Variants in RORB observed in about 807,000 individuals in gnomAD.
RORB encodes RAR related orphan receptor B.
In RORB, 6 loss-of-function variants were observed where a neutral mutation model predicts 59.1. The observed-to-expected ratio is 0.10, with a 90% CI of 0.06 to 0.20. RORB has a LOEUF of 0.20. Ranked by LOEUF, RORB falls within the 10% of genes least tolerant of loss-of-function variation. RORB has a pLI of 1.00. For missense variants in RORB, 320 were observed against 560.5 expected (o/e 0.57, Z 4.33); for synonymous variants, 215 against 204.5 (o/e 1.05, Z -0.44).
At chr9:74,628,018 A>G (rs553765360) in intron 1 of RORB, among the ~76,000 whole-genome samples, 6 of 152,322 alleles carry the variant, frequency 3.9e-5, no homozygotes, top group African/African-American at 1.4e-4. Flanking sequence ...TACATAAAAT[A>G]TCTGTTTGAA....
chr9:74,564,062 T>A (rs1225021680), intron 1 of RORB, among the ~76,000 whole-genome samples: 1 of 152,182 alleles, frequency 6.6e-6, no homozygotes, highest in Non-Finnish European at 1.5e-5. Flanking sequence ...ACACATATCA[T>A]CAAGCTGTCA....
chr9:74,500,801 G>A (rs572634102), intron 1 of RORB, among the ~76,000 whole-genome samples: 1 of 152,306 alleles, frequency 6.6e-6, no homozygotes, highest in East Asian at 1.9e-4. Context: ...TGACGTCCTT[G>A]TCCTGCCCCA....
At chr9:74,646,667 G>GAGTT (rs10681011) in intron 4 of RORB, among the ~76,000 whole-genome samples, 145,700 of 152,034 alleles carry the variant, frequency 0.96, 70,157 homozygotes, top group East Asian at 1. Flanking sequence ...CTAGGACAGA[G>GAGTT]AGTTAAGTGA....
chr9:74,528,731 C>T (rs1826192246), intron 1 of RORB, among the ~76,000 whole-genome samples: 1 of 151,954 alleles, frequency 6.6e-6, no homozygotes, highest in African/African-American at 2.4e-5. Context: ...TGAAGAGCTA[C>T]TAGGTGCTAT....
In RORB at chr9:74,507,074, C is replaced by T. The variant is rs113587418; in HGVS notation, c.7+9091C>T. On this transcript the variant is annotated intron_variant, in intron 1 of 9. Coordinates refer to ENST00000376896, the MANE Select transcript of RORB (RefSeq NM_006914.4). The stretch of plus-strand genomic sequence containing the variant: ...AGTTTTCTGGACAATCATTCACCCA[C>T]GCCTTATTGCAATTTGTCTCTGGTG... 3.8e-3 allele frequency among the ~76,000 whole-genome samples: 580 copies of T among 152,144 alleles called. 6 individuals are homozygous for T. The highest frequency in any genetic ancestry group is 0.013 in the African/African-American group (548 of 41,522).
rs1825737316 is a variant in RORB at position 74,497,991 on chromosome 9, A to C, written c.7+8A>C. On this transcript the variant is annotated splice_region_variant and intron_variant, in intron 1 of 9. Transcript: ENST00000376896. ...GCGGCCACACCATGCGAGGTAAGCGAGTCTGCGGGCACCGAGGCTCCCCGA... is the reference window on the plus strand; with the variant it reads ...GCGGCCACACCATGCGAGGTAAGCGCGTCTGCGGGCACCGAGGCTCCCCGA... 6.2e-7 allele frequency: 1 copy of C among 1,610,614 alleles called. No homozygotes were observed. The highest frequency in any genetic ancestry group is 1.3e-5 in the African/African-American group (1 of 75,020).
At chr9:74,611,503 A>G (rs1823231253) in intron 1 of RORB, among the ~76,000 whole-genome samples, 1 of 152,226 alleles carries the variant, frequency 6.6e-6, no homozygotes, top group Non-Finnish European at 1.5e-5. Context: ...GGAAGCAAAC[A>G]TATCCCAAAG....
At chr9:74,638,148 G>T (rs567140972) in intron 3 of RORB, among the ~76,000 whole-genome samples, 1 of 152,130 alleles carries the variant, frequency 6.6e-6, no homozygotes, top group South Asian at 2.1e-4. Context: ...CTTTACAACC[G>T]AAGGTAGTAG....
chr9:74,538,117 A>G (rs571133505), intron 1 of RORB, among the ~76,000 whole-genome samples: 101 of 152,240 alleles, frequency 6.6e-4, no homozygotes, highest in Admixed American at 9.8e-4. Flanking sequence ...AATTGCCTAC[A>G]GTATTTAGTT....
intron 9 of RORB, among the ~76,000 whole-genome samples, chr9:74,681,519 G>T (rs1422793969): frequency 6.6e-6 from 1 of 152,196 alleles, no homozygotes; most frequent in Non-Finnish European, 1.5e-5. Context: ...AGCGATCTGA[G>T]TGCTCTTTAA....
intron 1 of RORB, among the ~76,000 whole-genome samples, chr9:74,590,654 G>A (rs1822872304): frequency 6.6e-6 from 1 of 152,214 alleles, no homozygotes. Context: ...CAGCCAGCTA[G>A]GGGTTCTGTC....
intron 1 of RORB, among the ~76,000 whole-genome samples, chr9:74,541,174 G>A (rs57203215): frequency 1.3e-5 from 2 of 149,960 alleles, no homozygotes; most frequent in East Asian, 3.9e-4. Context: ...CAGCTACTCA[G>A]GAGGCTGAGG....
intron 2 of RORB, 70 bp from the exon 3 acceptor site, chr9:74,634,561 T>C: frequency 7.3e-7 from 1 of 1,374,642 alleles, no homozygotes; most frequent in Non-Finnish European, 9.7e-7. Flanking sequence ...ATGTAGCAAA[T>C]GTATACATTA....
chr9:74,526,034 A>G (rs1826151970), intron 1 of RORB, among the ~76,000 whole-genome samples: 1 of 151,984 alleles, frequency 6.6e-6, no homozygotes, highest in African/African-American at 2.4e-5. Context: ...TTCTTCACAC[A>G]CGGTCTCTTT....
At chr9:74,630,726 A>G (rs896966124) in intron 2 of RORB, among the ~76,000 whole-genome samples, 1 of 152,184 alleles carries the variant, frequency 6.6e-6, no homozygotes, top group African/African-American at 2.4e-5. Context: ...AATAAAGATT[A>G]TAAACTAATA....
At chr9:74,574,261 C>A (rs1330214117) in intron 1 of RORB, among the ~76,000 whole-genome samples, 1 of 152,060 alleles carries the variant, frequency 6.6e-6, no homozygotes, top group Non-Finnish European at 1.5e-5. Flanking sequence ...TTTCAGGGGT[C>A]CTCCGTAAAT....
chr9:74,608,606 CTGTTATCTG>C (rs1473567730), intron 1 of RORB, among the ~76,000 whole-genome samples: 1 of 150,684 alleles, frequency 6.6e-6, no homozygotes, highest in Non-Finnish European at 1.5e-5. Flanking sequence ...GTTTTCTATT[CTGTTATCTG>C]TGTTATCTGT....
intron 1 of RORB, among the ~76,000 whole-genome samples, chr9:74,519,341 A>G (rs1485673839): frequency 6.6e-6 from 1 of 152,000 alleles, no homozygotes; most frequent in East Asian, 1.9e-4. Context: ...AGACAGGGGA[A>G]TTCAATGAAG....
rs182159802 is a variant in RORB, at chr9:74,683,532, C to G, written c.1225-1931C>G. Reference sequence around the variant, plus strand: ...GCCATGCACACCTCTCTGGCATTACCTCACCCACTGCTGCAGCGACTCTGA... The same window carrying G: ...GCCATGCACACCTCTCTGGCATTACGTCACCCACTGCTGCAGCGACTCTGA... On this transcript the variant is annotated intron_variant, in intron 9 of 9. Coordinates refer to ENST00000376896, the MANE Select transcript of RORB (RefSeq NM_006914.4). 3.7e-4 allele frequency among the ~76,000 whole-genome samples: 56 copies of G among 152,234 alleles called. No individual in the cohort carries two copies. The Middle Eastern group carries it at 0.014, about 37-fold the overall frequency.
Sources: allele counts gnomAD v4.1 joint callset (sites outside exome capture counted in the v4.1 genomes callset), GRCh38; gene constraint gnomAD v4.1.1; transcripts MANE v1.5; gene names NCBI Gene and HGNC (gene_info 2026-07-23, HGNC 2026-07-21).